BPI: variants seen among roughly 807,000 people sequenced by gnomAD.
BPI encodes bactericidal permeability increasing protein, also known as bactericidal permeability-increasing protein.
BPI carries 48 observed loss-of-function variants against 57.6 expected under a neutral mutation model. The ratio of observed to expected loss-of-function variants is 0.83; its 90% confidence interval spans 0.66 to 1.06. The LOEUF is 1.06. Ranked by LOEUF, BPI falls within the 50% of genes least tolerant of loss-of-function variation. The pLI is 0.00. For missense variants in BPI, 651 were observed against 609.7 expected, an observed-to-expected ratio of 1.07 and a Z score of -0.71; for synonymous variants, 237 against 238.2, an observed-to-expected ratio of 0.99 and a Z score of 0.05.
At chr20:38,333,813 G>T (rs1356389288) in intron 12 of BPI, among the ~76,000 whole-genome samples, 1 of 144,024 alleles carries the variant, frequency 6.9e-6, no homozygotes, top group African/African-American at 2.6e-5. Context: ...CAACATTCTT[G>T]CATCCACATT....
chr20:38,319,878 A>G (rs926441043), intron 6 of BPI: 3 of 329,598 alleles, frequency 9.1e-6, no homozygotes, highest in Admixed American at 4.5e-5. Context: ...AGAGAAGTGC[A>G]AGGACTTGTC....
At position 38,306,904 on chromosome 20, in the gene BPI, C is replaced by T. The variant is rs767408290; in HGVS notation, c.131-663C>T. On this transcript the variant is annotated intron_variant, in intron 1 of 14. Transcript: ENST00000642449. ...ATGATGGGAAAAAAATCAAAAGGGC[C>T]GGTCATGGTGGCTCATGCCTGTAAC... Among the ~76,000 whole-genome samples the T allele has an allele frequency of 1.6e-4, 25 of 152,032 alleles. No individual in the cohort carries two copies. In the East Asian group the frequency reaches 2.9e-3, roughly 18 times the overall value.
chr20:38,320,477 C>A (rs1333710810), intron 7 of BPI, among the ~76,000 whole-genome samples: 1 of 152,020 alleles, frequency 6.6e-6, no homozygotes, highest in Non-Finnish European at 1.5e-5. Context: ...CTGCCCCACC[C>A]CCCTCCAAAG....
chr20:38,327,448 A>T, intron 10 of BPI, 140 bp from the exon 11 acceptor site: 1 of 806,602 alleles, frequency 1.2e-6, no homozygotes, highest in Non-Finnish European at 2.0e-6. Flanking sequence ...AAGTCTCCCC[A>T]CTCCTCTGGC....
At chr20:38,323,815 T>C in intron 7 of BPI, 55 bp from the exon 8 acceptor site, 1 of 1,568,014 alleles carries the variant, frequency 6.4e-7, no homozygotes, top group East Asian at 2.3e-5. Flanking sequence ...GATGGAGATG[T>C]TGACTTATAA....
intron 3 of BPI, 127 bp downstream of exon 3, chr20:38,309,185 T>C (rs1381820459): frequency 1.5e-6 from 2 of 1,347,504 alleles, no homozygotes; most frequent in Middle Eastern, 5.0e-4. Context: ...ACAGCGTTCC[T>C]CAGGAAATTC....
In BPI at chr20:38,308,999, C is replaced by T. The variant is rs1219619401; in HGVS notation, c.315C>T (p.Phe105=). The T allele has an allele frequency of 6.2e-7, 1 of 1,614,094 alleles. No individual in the cohort carries two copies. Among genetic ancestry groups the T allele is most frequent in the Non-Finnish European group, 8.5e-7 (1 of 1,180,056 alleles). ...ISMVPNVGLK[F]SISNANIKIS... ...TGGTGCCCAATGTGGGCCTTAAGTTCTCCATCAGCAACGCCAATATCAAGA... is the reference window on the plus strand; with the variant it reads ...TGGTGCCCAATGTGGGCCTTAAGTTTTCCATCAGCAACGCCAATATCAAGA... Residue 105 remains phenylalanine, a synonymous_variant, in exon 3 of 15, where the codon TTC becomes TTT. Transcript: ENST00000642449.
intron 13 of BPI, 146 bp downstream of exon 13, chr20:38,334,639 A>G: frequency 1.3e-6 from 1 of 785,606 alleles, no homozygotes; most frequent in Non-Finnish European, 2.2e-6. Flanking sequence ...TCTGACCCAG[A>G]AATGAATGCA....
chr20:38,334,440 T>C lies in BPI; in HGVS notation c.1283T>C (p.Leu428Pro). The C allele has an allele frequency of 1.9e-6, 3 of 1,614,028 alleles. No homozygotes were observed. The highest frequency in any genetic ancestry group is 2.5e-6 in the Non-Finnish European group (3 of 1,179,856). Reference sequence around the variant, plus strand: ...CCCTCTGATTTCCAGGTTGAATTGCTGCAGGATATCATGAACTACATTGTA... The same window carrying C: ...CCCTCTGATTTCCAGGTTGAATTGCCGCAGGATATCATGAACTACATTGTA... ...SNIGPFPVEL[L>P]QDIMNYIVPI... Residue 428 changes from leucine to proline, a missense_variant, in exon 13 of 15, where the codon CTG becomes CCG. Coordinates refer to ENST00000642449, the MANE Select transcript of BPI (RefSeq NM_001725.3).
At position 38,337,318 on chromosome 20, in the gene BPI, A is replaced by G. The variant is rs748397349; in HGVS notation, c.*134A>G. ...TTGCAAACTTCTTCGACTCAGATTC[A>G]GAAATGATCTAAACACGAGGAAACA... On this transcript the variant is annotated 3_prime_UTR_variant, in exon 15 of 15. Coordinates refer to ENST00000642449, the MANE Select transcript of BPI (RefSeq NM_001725.3). The G allele has an allele frequency of 2.8e-6, 2 of 709,212 alleles. No homozygotes were observed. The highest frequency in any genetic ancestry group is 2.3e-6 in the Non-Finnish European group (1 of 430,966). The allele number at this position is 709,212 out of a possible 1,614,324, so 43.9% of individuals were successfully genotyped here.
intron 11 of BPI, among the ~76,000 whole-genome samples, 194 bp from the exon 12 acceptor site, chr20:38,330,854 C>T (rs6127770): frequency 5.2e-4 from 79 of 152,256 alleles, no homozygotes; most frequent in African/African-American, 1.6e-3. Flanking sequence ...GTGGGGTCAA[C>T]GGCACTAACA....
At chr20:38,336,109 G>T (rs565025854) in intron 14 of BPI, among the ~76,000 whole-genome samples, 1 of 152,108 alleles carries the variant, frequency 6.6e-6, no homozygotes, top group Non-Finnish European at 1.5e-5. Context: ...CGTGGCTTTC[G>T]CCCAGGCTGA....
rs980034680 is a variant in BPI, at chr20:38,306,509, C to T, written c.131-1058C>T. ...TAATTACAAATGGTAACAGGGGCTC[C>T]GAAAGAGCAGTCCACAGCATCATGA... On this transcript the variant is annotated intron_variant, in intron 1 of 14. Coordinates refer to ENST00000642449, the MANE Select transcript of BPI (RefSeq NM_001725.3). Among the ~76,000 whole-genome samples, 17 of 152,110 alleles carry T rather than the reference C, an allele frequency of 1.1e-4. 1 individual carries two copies. Among genetic ancestry groups the T allele is most frequent in the Admixed American group, 7.2e-4 (11 of 15,278 alleles).
In BPI at chr20:38,304,444, C is replaced by T. The variant is rs144044734; in HGVS notation, c.130+91C>T. 1.3e-3 allele frequency: 1,987 copies of T among 1,514,464 alleles called. 18 individuals are homozygous for T. In the African/African-American group the frequency reaches 0.024, roughly 19 times the overall value. 93.8% of individuals were successfully genotyped at this position (1,514,464 alleles called of 1,614,324 possible). A position where few individuals can be genotyped will look rare whatever the true frequency, so the allele number is the denominator to read the frequency against. ...GCACCCCTTTAGATCCAGCACCTGG[C>T]ACACTCATAGCACCTCAGGGCAGGT... On this transcript the variant is annotated intron_variant, in intron 1 of 14. Coordinates refer to ENST00000642449, the MANE Select transcript of BPI (RefSeq NM_001725.3).
At chr20:38,314,574 GTGA>G (rs1417839332) in intron 5 of BPI, among the ~76,000 whole-genome samples, 3 of 133,964 alleles carry the variant, frequency 2.2e-5, no homozygotes, top group African/African-American at 8.5e-5. Flanking sequence ...GATGATGGTG[GTGA>G]TGATGATGGT....
intron 7 of BPI, 55 bp from the exon 8 acceptor site, chr20:38,323,815 T>G: frequency 6.4e-7 from 1 of 1,568,014 alleles, no homozygotes; most frequent in Non-Finnish European, 8.7e-7. Context: ...GATGGAGATG[T>G]TGACTTATAA....
chr20:38,310,800 C>CCCGT, intron 4 of BPI, 148 bp downstream of exon 4: 1 of 996,540 alleles, frequency 1.0e-6, no homozygotes, highest in Non-Finnish European at 1.4e-6. Context: ...GCCAGGGGCC[C>CCCGT]ACAGATGAAC....
At chr20:38,331,019 G>T (rs753222894) in intron 11 of BPI, 29 bp from the exon 12 acceptor site, 2 of 1,612,994 alleles carry the variant, frequency 1.2e-6, no homozygotes, top group Non-Finnish European at 1.7e-6. Context: ...GCAATTGGTG[G>T]TCTCAGTCCC....
chr20:38,318,590 G>A (rs889490714), intron 6 of BPI, 114 bp downstream of exon 6: 2 of 1,128,898 alleles, frequency 1.8e-6, no homozygotes, highest in Non-Finnish European at 2.7e-6. Flanking sequence ...GGGCCTGGGT[G>A]GGAATGAGCA....
Sources: gnomAD v4.1 joint callset for allele counts (sites outside exome capture counted in the v4.1 genomes callset) on GRCh38, gnomAD v4.1.1 for gene constraint, MANE v1.5 for transcripts, NCBI Gene and HGNC (gene_info 2026-07-23, HGNC 2026-07-21) for gene names.